Variants in BTG3 observed in about 807,000 individuals in gnomAD.
The protein encoded by BTG3 is protein BTG3.
Under a neutral mutation model 25.8 loss-of-function variants are expected in BTG3, and 4 were observed. The ratio of observed to expected loss-of-function variants is 0.16; its 90% CI spans 0.08 to 0.36. The LOEUF (loss-of-function observed/expected upper bound fraction) is 0.36, where lower values mean the gene tolerates loss of function less well. Among genes scored for constraint, BTG3 ranks in the 10% least tolerant of loss-of-function variants. BTG3 has a pLI of 1.00. For synonymous variants in BTG3, 107 were observed against 99.9 expected, an observed-to-expected ratio of 1.07 and a Z score of -0.42; for missense variants, 201 against 304.9, an observed-to-expected ratio of 0.66 and a Z score of 2.54.
intron 2 of BTG3, among the ~76,000 whole-genome samples, chr21:17,605,545 C>T (rs962501220): frequency 6.6e-6 from 1 of 152,130 alleles, no homozygotes; most frequent in Non-Finnish European, 1.5e-5. Context: ...ATATCATATA[C>T]TTATGATTAA....
chr21:17,601,344 G>C (rs1412411353), intron 3 of BTG3, among the ~76,000 whole-genome samples: 1 of 152,104 alleles, frequency 6.6e-6, no homozygotes, highest in Non-Finnish European at 1.5e-5. Flanking sequence ...TCTACGGCTG[G>C]TGACTCTTCG....
intron 2 of BTG3, among the ~76,000 whole-genome samples, chr21:17,606,851 A>G (rs570379240): frequency 3.5e-4 from 53 of 152,296 alleles, no homozygotes; most frequent in African/African-American, 1.2e-3. Flanking sequence ...GTTCGTCTGC[A>G]TTTCTAATTA....
chr21:17,602,511 TC>T (rs1270737366), intron 3 of BTG3, among the ~76,000 whole-genome samples: 4 of 152,226 alleles, frequency 2.6e-5, no homozygotes, highest in Admixed American at 2.6e-4. Flanking sequence ...TTTCTCAATG[TC>T]TTTTTCTTCT....
intron 2 of BTG3, 27 bp downstream of exon 2, chr21:17,608,945 T>C (rs1321149273): frequency 3.8e-6 from 6 of 1,599,300 alleles, no homozygotes; most frequent in Non-Finnish European, 5.1e-6. Context: ...TTGATCAGCC[T>C]CTGCTTAATC....
chr21:17,598,558 C>A, intron 4 of BTG3, 59 bp downstream of exon 4: 1 of 1,452,234 alleles, frequency 6.9e-7, no homozygotes. Flanking sequence ...GTAGGACTAC[C>A]TGAAAGGTCC....
chr21:17,594,815 A>C (rs2061483587), intron 4 of BTG3, among the ~76,000 whole-genome samples: 2 of 152,000 alleles, frequency 1.3e-5, no homozygotes. Flanking sequence ...AACACAAAGA[A>C]GGAAACAATA....
intron 1 of BTG3, 100 bp from the exon 2 acceptor site, chr21:17,609,252 C>G: frequency 8.8e-7 from 1 of 1,140,080 alleles, no homozygotes; most frequent in Non-Finnish European, 1.2e-6. Flanking sequence ...CCCCTTCCTC[C>G]TTCCAATTTT....
intron 3 of BTG3, among the ~76,000 whole-genome samples, chr21:17,603,523 C>T (rs1262855409): frequency 6.6e-6 from 1 of 152,200 alleles, no homozygotes; most frequent in East Asian, 1.9e-4. Flanking sequence ...TTCACCTCCA[C>T]CTTCATTGCT....
Position 17,594,319 on chromosome 21 carries a change from A to G in BTG3, c.533T>C (p.Ile178Thr), listed in dbSNP as rs1238330961. The G allele has an allele frequency of 1.9e-6, 3 of 1,612,784 alleles. No individual in the cohort carries two copies. Among genetic ancestry groups the G allele is most frequent in the Non-Finnish European group, 1.7e-6 (2 of 1,179,208 alleles). Reference sequence around the variant, plus strand: ...GTGCCACATTGGAAGAGGTGGAAATATAAGTTCTGAAATCTGTAGGGAAGA... The same window carrying G: ...GTGCCACATTGGAAGAGGTGGAAATGTAAGTTCTGAAATCTGTAGGGAAGA... ...ASPVYQISEL[I>T]FPPLPMWHPL... is the part of the protein sequence containing the mutation. The change falls in exon 5 of 5, where the codon ATA (isoleucine) becomes ACA (threonine). Residue 178 changes from isoleucine (I) to threonine (T), a missense_variant. Physicochemically the swap from Ile to Thr is moderately conservative, Grantham distance 89. Coordinates refer to ENST00000348354, the MANE Select transcript of BTG3 (RefSeq NM_006806.5).
intron 1 of BTG3, among the ~76,000 whole-genome samples, chr21:17,609,590 T>C (rs910288238): frequency 6.6e-6 from 1 of 152,242 alleles, no homozygotes; most frequent in Non-Finnish European, 1.5e-5. Flanking sequence ...AGAGCTATTT[T>C]ATAACAGAAA....
chr21:17,605,299 C>T (rs1358599726), intron 2 of BTG3, among the ~76,000 whole-genome samples: 4 of 152,020 alleles, frequency 2.6e-5, no homozygotes, highest in Admixed American at 1.3e-4. Flanking sequence ...GAAAGTTGCA[C>T]GAAATTTTAG....
chr21:17,598,851 A>G, intron 3 of BTG3, 27 bp from the exon 4 acceptor site: 4 of 1,587,164 alleles, frequency 2.5e-6, no homozygotes, highest in Non-Finnish European at 3.4e-6. Flanking sequence ...AAACTTACAA[A>G]TCTTGAAGTC....
At chr21:17,605,146 A>G (rs2061622516) in intron 2 of BTG3, 149 bp from the exon 3 acceptor site, 22 of 893,484 alleles carry the variant, frequency 2.5e-5, no homozygotes, top group Non-Finnish European at 3.1e-5. Context: ...TCCTAAACAG[A>G]TAATAAATGT....
chr21:17,599,289 C>T (rs1014956926), intron 3 of BTG3, among the ~76,000 whole-genome samples: 2 of 151,692 alleles, frequency 1.3e-5, no homozygotes, highest in Admixed American at 6.6e-5. Flanking sequence ...GATCGATCCT[C>T]CAACTTCAAA....
intron 1 of BTG3, 94 bp from the exon 2 acceptor site, chr21:17,609,246 T>G: frequency 8.6e-7 from 1 of 1,161,896 alleles, no homozygotes; most frequent in South Asian, 1.6e-5. Flanking sequence ...AGCTCTCCCC[T>G]TCCTCCTTCC....
intron 4 of BTG3, among the ~76,000 whole-genome samples, chr21:17,597,735 A>T (rs2061522677): frequency 8.3e-3 from 2 of 240 alleles, no homozygotes. Context: ...TGAGAAAAAA[A>T]TGAGAAAACC....
At chr21:17,601,543 C>CAAAA (rs1277485903) in intron 3 of BTG3, among the ~76,000 whole-genome samples, 2 of 152,068 alleles carry the variant, frequency 1.3e-5, no homozygotes. Context: ...ACAAAACAAA[C>CAAAA]AAAAAATAAA....
At chr21:17,604,673 A>G (rs576925884) in intron 3 of BTG3, among the ~76,000 whole-genome samples, 187 bp downstream of exon 3, 3 of 152,364 alleles carry the variant, frequency 2.0e-5, no homozygotes, top group Non-Finnish European at 4.4e-5. Flanking sequence ...TTTTTCGGCT[A>G]TAAAGCAGAA....
At chr21:17,602,111 T>C (rs901686644) in intron 3 of BTG3, among the ~76,000 whole-genome samples, 3 of 150,872 alleles carry the variant, frequency 2.0e-5, no homozygotes, top group South Asian at 2.1e-4. Flanking sequence ...AAACAATCAA[T>C]AGTATTTAAC....
Sources: gnomAD v4.1 joint callset for allele counts (sites outside exome capture counted in the v4.1 genomes callset) on GRCh38, gnomAD v4.1.1 for gene constraint, MANE v1.5 for transcripts, NCBI Gene and HGNC (gene_info 2026-07-23, HGNC 2026-07-21) for gene names.